The following TOGARAM2 variants were observed in gnomAD, a reference collection of about 807,000 sequenced individuals.
TOGARAM2 encodes TOG array regulator of axonemal microtubules 2, also known as TOG array regulator of axonemal microtubules protein 2.
In TOGARAM2, 85 loss-of-function variants were observed where a neutral mutation model predicts 93.3. The ratio of observed to expected loss-of-function variants is 0.91; its 90% CI spans 0.76 to 1.09. The LOEUF is 1.09. Among genes scored for constraint, TOGARAM2 ranks in the 50% least tolerant of loss-of-function variants. The pLI is 0.00. For synonymous variants in TOGARAM2, 593 were observed against 552.8 expected (o/e 1.07, Z -1.02); for missense variants, 1,277 against 1,334.5 (o/e 0.96, Z 0.67).
chr2:29,013,022 G>A (rs1232549609), intron 7 of TOGARAM2, among the ~76,000 whole-genome samples: 1 of 152,238 alleles, frequency 6.6e-6, no homozygotes, highest in African/African-American at 2.4e-5. Flanking sequence ...GCTCTGCACG[G>A]GCCCCAGAGG....
At chr2:29,001,374 G>A (rs535360327) in intron 4 of TOGARAM2, among the ~76,000 whole-genome samples, 4 of 151,380 alleles carry the variant, frequency 2.6e-5, no homozygotes, top group South Asian at 4.2e-4. Context: ...ACAGAGTCTC[G>A]CTCTGTCACC....
intron 16 of TOGARAM2, 113 bp from the exon 17 acceptor site, chr2:29,035,351 G>A (rs565293736): frequency 1.0e-6 from 1 of 996,906 alleles, no homozygotes; most frequent in South Asian, 4.6e-5. Flanking sequence ...TAACCTGCAG[G>A]TGACACTCTT....
intron 6 of TOGARAM2, among the ~76,000 whole-genome samples, chr2:29,005,175 G>C (rs1172698055): frequency 4.5e-5 from 6 of 133,090 alleles, no homozygotes; most frequent in Admixed American, 4.0e-4. Context: ...CATGTGTAAG[G>C]GCATATGTGT....
intron 1 of TOGARAM2, among the ~76,000 whole-genome samples, chr2:28,973,961 T>C (rs1409645335): frequency 6.6e-6 from 1 of 152,176 alleles, no homozygotes; most frequent in Non-Finnish European, 1.5e-5. Flanking sequence ...TGTTTTTCTT[T>C]CAATATTTGA....
At chr2:28,996,604 A>G (rs1344542014) in intron 2 of TOGARAM2, among the ~76,000 whole-genome samples, 3 of 151,948 alleles carry the variant, frequency 2.0e-5, no homozygotes, top group African/African-American at 7.3e-5. Flanking sequence ...GGCAGATTGC[A>G]TGAGCTCAGG....
At chr2:28,966,742 C>A (rs978411509) in intron 1 of TOGARAM2, among the ~76,000 whole-genome samples, 1 of 152,210 alleles carries the variant, frequency 6.6e-6, no homozygotes, top group Admixed American at 6.5e-5. Flanking sequence ...TCCTTCCAGA[C>A]CTTTTTAATG....
In TOGARAM2 at chr2:29,017,949, C is replaced by T. The variant is rs367646412; in HGVS notation, c.1353C>T (p.His451=). The T allele has an allele frequency of 1.5e-4, 238 of 1,603,328 alleles. No homozygotes were observed. The East Asian group carries it at 3.1e-3, about 21-fold the overall frequency. The change falls in exon 10 of 20, where the codon CAC becomes CAT. Residue 451 remains histidine (H), a synonymous_variant. Transcript: ENST00000379558. ...GGCAGGAGCCCCGCTTTGCCCGCCA[C>T]GCCTCAGGTGGGCAGGCCCGACTGG... ...ISRQEPRFAR[H]ASANSLPAVL... is the part of the protein sequence containing the mutation.
intron 3 of TOGARAM2, 96 bp from the exon 4 acceptor site, chr2:28,999,085 T>C (rs888049897): frequency 3.4e-5 from 45 of 1,320,630 alleles, no homozygotes; most frequent in Non-Finnish European, 4.4e-5. Flanking sequence ...GGCAAGTGGC[T>C]GCCTGTTAGA....
chr2:29,027,036 G>A, intron 14 of TOGARAM2, 25 bp downstream of exon 14: 2 of 1,531,918 alleles, frequency 1.3e-6, no homozygotes. Context: ...GGGGCCTGGG[G>A]GCAGAGAAGG....
intron 1 of TOGARAM2, among the ~76,000 whole-genome samples, chr2:28,963,370 T>C (rs1347937450): frequency 6.6e-6 from 1 of 152,120 alleles, no homozygotes; most frequent in Admixed American, 6.6e-5. Context: ...TTGGCAAATG[T>C]TTTTGTTTTT....
chr2:29,033,818 G>A (rs920039042), intron 16 of TOGARAM2, among the ~76,000 whole-genome samples: 4 of 152,162 alleles, frequency 2.6e-5, no homozygotes, highest in East Asian at 3.9e-4. Context: ...CTGAGTGGGC[G>A]GGGTTCCACT....
chr2:29,019,083 C>T lies in TOGARAM2; in HGVS notation c.1360+1127C>T, dbSNP rs78829352. Reference sequence around the variant, plus strand: ...TTGAAGTGCAATGTAAATGAAAGGACAGGCTATTGAGAGATATGGCAAAAA... The same window carrying T: ...TTGAAGTGCAATGTAAATGAAAGGATAGGCTATTGAGAGATATGGCAAAAA... On this transcript the variant is annotated intron_variant, in intron 10 of 19. Coordinates refer to ENST00000379558, the MANE Select transcript of TOGARAM2 (RefSeq NM_199280.4). Among the ~76,000 whole-genome samples, 1,166 of 151,500 alleles carry T rather than the reference C, an allele frequency of 7.7e-3. 11 individuals carry two copies. The highest frequency in any genetic ancestry group is 0.012 in the Non-Finnish European group (826 of 67,956).
At chr2:28,967,324 A>G (rs1671881070) in intron 1 of TOGARAM2, among the ~76,000 whole-genome samples, 1 of 152,158 alleles carries the variant, frequency 6.6e-6, no homozygotes, top group South Asian at 2.1e-4. Context: ...ATAATAAAAA[A>G]AATAGCCATG....
At chr2:29,042,907 G>C (rs901832832) in intron 18 of TOGARAM2, among the ~76,000 whole-genome samples, 7 of 152,228 alleles carry the variant, frequency 4.6e-5, no homozygotes, top group Non-Finnish European at 7.3e-5. Flanking sequence ...ATAACAAGTG[G>C]AGTTATACGT....
At position 29,017,182 on chromosome 2, in the gene TOGARAM2, G is replaced by A. The variant is rs866589416; in HGVS notation, c.1073G>A (p.Arg358Gln). The A allele has an allele frequency of 5.6e-6, 9 of 1,613,800 alleles. No homozygotes were observed. The highest frequency in any genetic ancestry group is 4.5e-5 in the East Asian group (2 of 44,870). The change falls in exon 9 of 20, where the codon CGG becomes CAG. Residue 358 changes from arginine to glutamine, a missense_variant. By Grantham distance (43) the Arg-to-Gln change is conservative (BLOSUM62 1). Transcript: ENST00000379558. ...KIQVTISKSA[R>Q]EKMQLKQMKE... is the part of the protein sequence containing the mutation. ...CAAGTCACCATCTCCAAGTCTGCCC[G>A]GGAGAAGATGCAGCTGAAGCAGATG... is the stretch of plus-strand genomic sequence containing the variant.
intron 1 of TOGARAM2, among the ~76,000 whole-genome samples, chr2:28,957,125 C>T (rs538036761): frequency 1.4e-4 from 21 of 151,848 alleles, no homozygotes; most frequent in African/African-American, 4.8e-4. Flanking sequence ...AAACAAAAAA[C>T]GAAAAACAAA....
intron 1 of TOGARAM2, among the ~76,000 whole-genome samples, chr2:28,987,538 C>T (rs1384115357): frequency 6.6e-6 from 1 of 152,326 alleles, no homozygotes; most frequent in East Asian, 1.9e-4. Context: ...ATCCGCCCAC[C>T]TCGGCCTCTC....
chr2:29,050,178 C>T (rs546629550), intron 19 of TOGARAM2: 32 of 151,996 alleles, frequency 2.1e-4, no homozygotes, highest in Admixed American at 1.0e-3. Flanking sequence ...ATAATGAGAC[C>T]CCCATCTCTA....
intron 1 of TOGARAM2, among the ~76,000 whole-genome samples, chr2:28,968,415 C>G (rs1431865623): frequency 1.3e-5 from 2 of 152,042 alleles, no homozygotes; most frequent in Non-Finnish European, 2.9e-5. Flanking sequence ...CTCCTCGCTC[C>G]CTCTCTCCCT....
Sources: allele counts gnomAD v4.1 joint callset (sites outside exome capture counted in the v4.1 genomes callset), GRCh38; gene constraint gnomAD v4.1.1; transcripts MANE v1.5; gene names NCBI Gene and HGNC (gene_info 2026-07-23, HGNC 2026-07-21).